AGBL1: variants seen among roughly 807,000 people sequenced by gnomAD.
AGBL1 encodes cytosolic carboxypeptidase 4.
AGBL1 carries 130 observed loss-of-function variants against 118.9 expected under a neutral mutation model. That is an observed-to-expected ratio of 1.09 (90% CI 0.95 to 1.26). The LOEUF is 1.26. AGBL1 is among the 50% of genes most tolerant of loss of function. The pLI, the probability that AGBL1 is intolerant of heterozygous loss-of-function variation, is 0.00. For synonymous variants in AGBL1, 555 were observed against 478.9 expected (o/e 1.16, Z -2.08); for missense variants, 1,584 against 1,298.1 (o/e 1.22, Z -3.38).
chr15:86,200,109 A>G (rs1667024575), intron 5 of AGBL1, among the ~76,000 whole-genome samples: 1 of 152,218 alleles, frequency 6.6e-6, no homozygotes, highest in African/African-American at 2.4e-5. Flanking sequence ...TTGTTGACTC[A>G]GTTGTTTGAA....
intron 21 of AGBL1, among the ~76,000 whole-genome samples, chr15:86,590,082 G>A (rs1353475069): frequency 6.6e-6 from 1 of 152,158 alleles, no homozygotes; most frequent in Non-Finnish European, 1.5e-5. Context: ...ACCACAGAGT[G>A]ATTGGCCTCC....
chr15:86,382,001 G>A (rs964519313), intron 17 of AGBL1, among the ~76,000 whole-genome samples: 2 of 152,176 alleles, frequency 1.3e-5, no homozygotes, highest in African/African-American at 4.8e-5. Context: ...TTTAGGAGGT[G>A]GGAATGATGG....
At chr15:86,239,382 A>G (rs1496874) in intron 6 of AGBL1, among the ~76,000 whole-genome samples, 16,100 of 152,242 alleles carry the variant, frequency 0.11, 1,423 homozygotes, top group African/African-American at 0.23. Flanking sequence ...ATAATCAAGT[A>G]TAATTTCCAT....
chr15:86,863,072 T>C (rs77259220), intron 22 of AGBL1, among the ~76,000 whole-genome samples: 4 of 152,290 alleles, frequency 2.6e-5, no homozygotes, highest in East Asian at 3.9e-4. Flanking sequence ...TAAATTACTC[T>C]ACTCACTAGT....
chr15:86,717,341 T>C (rs1321807028), intron 22 of AGBL1, among the ~76,000 whole-genome samples: 1 of 152,150 alleles, frequency 6.6e-6, no homozygotes, highest in African/African-American at 2.4e-5. Flanking sequence ...GTGTGGAACA[T>C]GACGATCTCT....
chr15:86,527,810 A>G (rs1039097034), intron 19 of AGBL1, among the ~76,000 whole-genome samples: 1 of 152,200 alleles, frequency 6.6e-6, no homozygotes, highest in African/African-American at 2.4e-5. Flanking sequence ...CAGTACCCTG[A>G]GAGCGTTGAG....
At chr15:86,277,930 G>A (rs1265301863) in intron 15 of AGBL1, among the ~76,000 whole-genome samples, 3 of 152,194 alleles carry the variant, frequency 2.0e-5, no homozygotes, top group Non-Finnish European at 4.4e-5. Flanking sequence ...TATTTCAACT[G>A]CTGTTTCCCG....
rs555198860 is a variant in AGBL1, at chr15:86,908,235, G to A, written c.*941G>A. The stretch of plus-strand genomic sequence containing the variant: ...TAGCATTTGGTACACAACAACATTG[G>A]CTTATTTTTCTTCATAACACAAAAG... On this transcript the variant is annotated 3_prime_UTR_variant, in exon 23 of 23. Transcript: ENST00000614907. 1.3e-5 allele frequency: 2 copies of A among 152,196 alleles called. No individual in the cohort carries two copies. Among genetic ancestry groups the A allele is most frequent in the East Asian group, 3.9e-4 (2 of 5,178 alleles). The allele number at this position is 152,196 out of a possible 1,614,324, so 9.4% of individuals were successfully genotyped here.
chr15:86,618,845 C>T (rs2084766209), intron 21 of AGBL1, among the ~76,000 whole-genome samples: 1 of 152,142 alleles, frequency 6.6e-6, no homozygotes, highest in Admixed American at 6.5e-5. Flanking sequence ...ATCCTGCTGT[C>T]TCAGGCACAT....
At chr15:86,781,505 CATT>C (rs1448463251) in intron 22 of AGBL1, among the ~76,000 whole-genome samples, 1 of 152,126 alleles carries the variant, frequency 6.6e-6, no homozygotes, top group Non-Finnish European at 1.5e-5. Flanking sequence ...CAGTAATTAT[CATT>C]ATGAGGATTT....
intron 18 of AGBL1, among the ~76,000 whole-genome samples, chr15:86,504,442 G>A (rs1219105075): frequency 4.0e-5 from 6 of 151,496 alleles, no homozygotes; most frequent in South Asian, 2.1e-4. Flanking sequence ...TTTTATGTAT[G>A]TCATTTTGCT....
At chr15:86,978,270 T>C (rs1038722954) in intron 23 of AGBL1, among the ~76,000 whole-genome samples, 5 of 152,154 alleles carry the variant, frequency 3.3e-5, no homozygotes, top group Admixed American at 6.5e-5. Context: ...AGAATGAAAG[T>C]AGATCTTCTT....
intron 18 of AGBL1, among the ~76,000 whole-genome samples, chr15:86,427,557 CAA>C (rs74780280): frequency 1.5e-4 from 17 of 115,710 alleles, no homozygotes; most frequent in Admixed American, 1.8e-4. Flanking sequence ...TGCATGGTTA[CAA>C]AAAAAAAAAA....
chr15:86,769,937 G>A (rs184482163), intron 22 of AGBL1, among the ~76,000 whole-genome samples: 165 of 151,956 alleles, frequency 1.1e-3, no homozygotes, highest in Middle Eastern at 3.4e-3. Context: ...CAGAACAAAG[G>A]ACCAGTTATA....
chr15:86,329,505 C>G (rs1319132287), intron 17 of AGBL1, among the ~76,000 whole-genome samples: 2 of 152,172 alleles, frequency 1.3e-5, no homozygotes, highest in Admixed American at 6.5e-5. Context: ...TCACCTCACC[C>G]TTCCTGTGCA....
chr15:86,629,127 A>T (rs955134526), intron 21 of AGBL1, among the ~76,000 whole-genome samples: 2 of 152,102 alleles, frequency 1.3e-5, no homozygotes, highest in Non-Finnish European at 2.9e-5. Flanking sequence ...GCTGACTAAC[A>T]TCTTCCCATT....
In AGBL1 at chr15:86,132,471, G is replaced by A. The variant is rs1279939033; in HGVS notation, c.52-9533G>A. ...CCTGGAAGTGTTATTTACTTGCTATGTTTAGAATCCTTTTAGAAAAGCTGA... is the reference window on the plus strand; with the variant it reads ...CCTGGAAGTGTTATTTACTTGCTATATTTAGAATCCTTTTAGAAAAGCTGA... On this transcript the variant is annotated intron_variant, in intron 1 of 22. Coordinates refer to ENST00000614907, the MANE Select transcript of AGBL1 (RefSeq NM_001386094.1). 3.9e-5 allele frequency among the ~76,000 whole-genome samples: 6 copies of A among 152,160 alleles called. No individual in the cohort carries two copies. The South Asian group carries it at 8.3e-4, about 21-fold the overall frequency.
chr15:86,184,841 C>A (rs1051963545), intron 5 of AGBL1, among the ~76,000 whole-genome samples: 3 of 152,076 alleles, frequency 2.0e-5, no homozygotes, highest in Non-Finnish European at 2.9e-5. Flanking sequence ...AATCCTAAGC[C>A]AAAAGAACAG....
chr15:86,690,901 AATTT>A (rs906148886), intron 22 of AGBL1, among the ~76,000 whole-genome samples: 7 of 152,108 alleles, frequency 4.6e-5, no homozygotes, highest in Non-Finnish European at 7.4e-5. Flanking sequence ...AAGCTTGTCT[AATTT>A]ATTTATTTAT....
Sources: gnomAD v4.1 joint callset for allele counts (sites outside exome capture counted in the v4.1 genomes callset) on GRCh38, gnomAD v4.1.1 for gene constraint, MANE v1.5 for transcripts, NCBI Gene and HGNC (gene_info 2026-07-23, HGNC 2026-07-21) for gene names.